The following UBASH3B variants were observed in gnomAD, a reference collection of about 807,000 sequenced individuals.
UBASH3B encodes ubiquitin-associated and SH3 domain-containing protein B.
In UBASH3B, 37 loss-of-function variants were observed where a neutral mutation model predicts 83.4. The ratio of observed to expected loss-of-function variants is 0.44; its 90% CI spans 0.34 to 0.58. UBASH3B has a LOEUF of 0.58. Among genes scored for constraint, UBASH3B ranks in the 20% least tolerant of loss-of-function variants. The pLI, the probability that UBASH3B is intolerant of heterozygous loss-of-function variation, is 0.01. For missense variants in UBASH3B, 657 were observed against 827.2 expected, an observed-to-expected ratio of 0.79 and a Z score of 2.52; for synonymous variants, 304 against 318.3, an observed-to-expected ratio of 0.96 and a Z score of 0.48.
At chr11:122,713,350 G>T (rs1864225322) in intron 1 of UBASH3B, among the ~76,000 whole-genome samples, 1 of 152,264 alleles carries the variant, frequency 6.6e-6, no homozygotes, top group South Asian at 2.1e-4. Context: ...AAGCCATGTG[G>T]TCAGCTGACT....
chr11:122,691,523 C>A (rs1863897657), intron 1 of UBASH3B, among the ~76,000 whole-genome samples: 1 of 152,108 alleles, frequency 6.6e-6, no homozygotes, highest in South Asian at 2.1e-4. Flanking sequence ...AAAAACCAGG[C>A]CAATGTTTTC....
chr11:122,784,798 T>G (rs1163972701), intron 5 of UBASH3B, among the ~76,000 whole-genome samples: 1 of 152,178 alleles, frequency 6.6e-6, no homozygotes, highest in Admixed American at 6.5e-5. Context: ...GGCTGCAGTT[T>G]TGTCTGACTC....
chr11:122,743,433 C>G (rs1402433586), intron 1 of UBASH3B, among the ~76,000 whole-genome samples: 1 of 152,084 alleles, frequency 6.6e-6, no homozygotes, highest in Non-Finnish European at 1.5e-5. Flanking sequence ...TCAAGCTAGT[C>G]TCAAACTTCT....
intron 1 of UBASH3B, among the ~76,000 whole-genome samples, chr11:122,716,293 C>G (rs1437520572): frequency 6.6e-6 from 1 of 152,258 alleles, no homozygotes; most frequent in Non-Finnish European, 1.5e-5. Flanking sequence ...CTGCCTCAAC[C>G]TCCCAGCTTG....
rs773629290 is a variant in UBASH3B, at chr11:122,796,230, T to C, written c.1188T>C (p.Asp396=). The C allele has an allele frequency of 1.2e-6, 2 of 1,613,940 alleles. No homozygotes were observed. The highest frequency in any genetic ancestry group is 1.7e-6 in the Non-Finnish European group (2 of 1,179,992). Reference sequence around the variant, plus strand: ...TGTGTCGGCATGGTGAGAGGATGGATGTTGTGTTTGGGAAGTACTGGCTGT... The same window carrying C: ...TGTGTCGGCATGGTGAGAGGATGGACGTTGTGTTTGGGAAGTACTGGCTGT... The part of the protein sequence containing the change: ...LFVCRHGERM[D]VVFGKYWLSQ... The change falls in exon 8 of 14, where the codon GAT becomes GAC. Residue 396 remains aspartate, a synonymous_variant. Coordinates refer to ENST00000284273, the MANE Select transcript of UBASH3B (RefSeq NM_032873.5).
intron 1 of UBASH3B, among the ~76,000 whole-genome samples, chr11:122,707,730 G>A (rs1048991355): frequency 2.6e-5 from 4 of 151,564 alleles, no homozygotes; most frequent in South Asian, 4.2e-4. Context: ...ATGGAGTCTC[G>A]CTCTGTTACC....
chr11:122,802,247 G>A (rs575662254), intron 11 of UBASH3B, among the ~76,000 whole-genome samples: 3 of 150,400 alleles, frequency 2.0e-5, no homozygotes, highest in Non-Finnish European at 4.4e-5. Context: ...CCCAGGAGGC[G>A]GAGGTTGCAG....
chr11:122,798,869 C>T (rs1861200085), intron 9 of UBASH3B, 73 bp from the exon 10 acceptor site: 1 of 1,261,318 alleles, frequency 7.9e-7, no homozygotes, highest in Non-Finnish European at 1.2e-6. Context: ...CTGCTTGGCC[C>T]CCTCTCACAC....
chr11:122,669,259 G>A (rs1302626536), intron 1 of UBASH3B, among the ~76,000 whole-genome samples: 1 of 152,182 alleles, frequency 6.6e-6, no homozygotes, highest in African/African-American at 2.4e-5. Context: ...TTCCTGGAAA[G>A]AATGTGTTTC....
intron 1 of UBASH3B, among the ~76,000 whole-genome samples, chr11:122,738,422 T>C (rs560890209): frequency 1.3e-5 from 2 of 152,188 alleles, no homozygotes; most frequent in South Asian, 2.1e-4. Flanking sequence ...GAGGAAGAGA[T>C]AGAAGACAGA....
At chr11:122,709,822 G>A (rs1565537091) in intron 1 of UBASH3B, among the ~76,000 whole-genome samples, 4 of 151,848 alleles carry the variant, frequency 2.6e-5, no homozygotes, top group South Asian at 4.2e-4. Flanking sequence ...TGGTTTATGT[G>A]TTTGTTCATT....
In UBASH3B at chr11:122,739,216, G is replaced by T. The variant is rs373783999; in HGVS notation, c.162-37003G>T. On this transcript the variant is annotated intron_variant, in intron 1 of 13. Transcript: ENST00000284273. ...CTCACTACGATGCCCAGACTGAGGA[G>T]TGGAAAGTTTAACTCAACCTGTTTT... 1.6e-4 allele frequency among the ~76,000 whole-genome samples: 25 copies of T among 152,308 alleles called. No homozygotes were observed. In the East Asian group the frequency reaches 4.4e-3, roughly 27 times the overall value.
intron 1 of UBASH3B, among the ~76,000 whole-genome samples, chr11:122,750,085 G>T (rs1861176719): frequency 6.6e-6 from 1 of 152,186 alleles, no homozygotes; most frequent in Admixed American, 6.5e-5. Context: ...TGCCCAGAGA[G>T]ATTTTCTTCA....
At chr11:122,702,119 T>C (rs1057229759) in intron 1 of UBASH3B, among the ~76,000 whole-genome samples, 13 of 152,170 alleles carry the variant, frequency 8.5e-5, no homozygotes, top group African/African-American at 2.2e-4. Flanking sequence ...AGTCCTAACA[T>C]GTGGCTTCCA....
intron 1 of UBASH3B, among the ~76,000 whole-genome samples, chr11:122,771,174 C>T (rs1226051034): frequency 6.6e-6 from 1 of 151,872 alleles, no homozygotes; most frequent in Non-Finnish European, 1.5e-5. Context: ...TGGTGCCATT[C>T]TCTCTACTTC....
intron 3 of UBASH3B, among the ~76,000 whole-genome samples, chr11:122,779,085 A>G (rs1397802966): frequency 6.6e-6 from 1 of 152,232 alleles, no homozygotes; most frequent in African/African-American, 2.4e-5. Context: ...TTTCAAGCAT[A>G]TAATATGTTA....
intron 4 of UBASH3B, among the ~76,000 whole-genome samples, chr11:122,781,445 C>T (rs1397028226): frequency 1.3e-5 from 2 of 152,204 alleles, no homozygotes; most frequent in Admixed American, 6.5e-5. Context: ...AAGCCTCAGC[C>T]AGGGCCGCAC....
intron 4 of UBASH3B, among the ~76,000 whole-genome samples, chr11:122,780,888 C>T (rs1860840414): frequency 6.6e-6 from 1 of 152,208 alleles, no homozygotes; most frequent in South Asian, 2.1e-4. Context: ...TTAGGGAGTG[C>T]CAGAGAGGGG....
intron 6 of UBASH3B, among the ~76,000 whole-genome samples, chr11:122,789,816 A>T (rs1484898080): frequency 6.6e-6 from 1 of 152,068 alleles, no homozygotes; most frequent in East Asian, 1.9e-4. Flanking sequence ...GACAACAAAG[A>T]CCATGTCTAA....
Sources: gnomAD v4.1 joint callset for allele counts (sites outside exome capture counted in the v4.1 genomes callset) on GRCh38, gnomAD v4.1.1 for gene constraint, MANE v1.5 for transcripts, NCBI Gene and HGNC (gene_info 2026-07-23, HGNC 2026-07-21) for gene names.